The following ZBBX variants were observed in gnomAD, a reference collection of about 807,000 sequenced individuals.
ZBBX encodes zinc finger B-box domain-containing protein 1.
ZBBX carries 101 observed loss-of-function variants against 108.5 expected under a neutral mutation model. The ratio of observed to expected loss-of-function variants is 0.93; its 90% CI spans 0.79 to 1.10. The LOEUF is 1.10. Ranked by LOEUF, ZBBX falls within the 50% of genes least tolerant of loss-of-function variation. ZBBX has a pLI of 0.00. For missense variants in ZBBX, 1,009 were observed against 941.4 expected (o/e 1.07, Z -0.94); for synonymous variants, 356 against 323.4 (o/e 1.10, Z -1.08).
intron 9 of ZBBX, among the ~76,000 whole-genome samples, chr3:167,348,305 A>AAGGAAG (rs1560162839): frequency 1.6e-4 from 18 of 115,620 alleles, no homozygotes; most frequent in African/African-American, 4.9e-4. Context: ...GAAGAAAGAG[A>AAGGAAG]GAAAGAAAGA....
the ZBBX span, among the ~76,000 whole-genome samples, chr3:167,189,822 A>G: frequency 6.6e-6 from 1 of 152,198 alleles, no homozygotes. Flanking sequence ...AGTTTACATT[A>G]TGTTCACTCT....
intron 1 of ZBBX, among the ~76,000 whole-genome samples, chr3:167,388,500 CA>C (rs1747988791): frequency 6.6e-6 from 1 of 151,862 alleles, no homozygotes; most frequent in African/African-American, 2.4e-5. Context: ...AATATTAATG[CA>C]ATCTTCCAGA....
chr3:167,281,985 C>T (rs1293068796), intron 20 of ZBBX, among the ~76,000 whole-genome samples: 1 of 152,186 alleles, frequency 6.6e-6, no homozygotes, highest in African/African-American at 2.4e-5. Flanking sequence ...TGAAATTATT[C>T]ATTCCACAAT....
the ZBBX span, among the ~76,000 whole-genome samples, chr3:167,204,253 T>A: frequency 4.0e-5 from 6 of 149,650 alleles, no homozygotes; most frequent in African/African-American, 7.3e-5. Flanking sequence ...CTTTTTTTTT[T>A]ATTATACTCT....
intron 17 of ZBBX, among the ~76,000 whole-genome samples, chr3:167,299,475 G>A (rs1732261579): frequency 2.0e-5 from 3 of 151,898 alleles, no homozygotes; most frequent in South Asian, 4.1e-4. Context: ...TTATGCAATC[G>A]CAAATCTGGA....
At chr3:167,227,447 T>G in the ZBBX span, among the ~76,000 whole-genome samples, 1 of 151,722 alleles carries the variant, frequency 6.6e-6, no homozygotes, top group Non-Finnish European at 1.5e-5. Context: ...ACTCTACTGG[T>G]AGGCTGATTC....
intron 20 of ZBBX, among the ~76,000 whole-genome samples, chr3:167,259,581 C>G (rs1318762032): frequency 6.6e-6 from 1 of 152,008 alleles, no homozygotes; most frequent in East Asian, 1.9e-4. Flanking sequence ...TCAGTTTGTG[C>G]TCTTTCAGTC....
intron 17 of ZBBX, among the ~76,000 whole-genome samples, chr3:167,305,399 G>C (rs1199240890): frequency 6.6e-6 from 1 of 152,014 alleles, no homozygotes; most frequent in Non-Finnish European, 1.5e-5. Context: ...CATAAGGTGG[G>C]CCTTAAAGTA....
the ZBBX span, among the ~76,000 whole-genome samples, chr3:167,206,460 T>G: frequency 1.3e-5 from 2 of 151,992 alleles, no homozygotes; most frequent in African/African-American, 4.8e-5. Context: ...TGAACAGATA[T>G]CTCTACAAAA....
At chr3:167,196,557 C>A in the ZBBX span, among the ~76,000 whole-genome samples, 1 of 152,090 alleles carries the variant, frequency 6.6e-6, no homozygotes, top group South Asian at 2.1e-4. Flanking sequence ...TAAGTAAATA[C>A]ATAACTTAAG....
At chr3:167,206,959 C>T in the ZBBX span, among the ~76,000 whole-genome samples, 309 of 152,208 alleles carry the variant, frequency 2.0e-3, 1 homozygote, top group Non-Finnish European at 3.7e-3. Context: ...TGGATCCATC[C>T]TATACCACAT....
rs1748091023 is a variant in ZBBX at position 167,391,811 on chromosome 3, A to T, written c.-445-11406T>A. ...AATGACTTTGACAAATATATGCTGT[A>T]TGTCTGTGTAACTACTACTAGAATG... On this transcript the variant is annotated intron_variant, in intron 1 of 21. Coordinates refer to the ZBBX transcript ENST00000455345. Among the ~76,000 whole-genome samples, 5 of 151,982 alleles carry T rather than the reference A, an allele frequency of 3.3e-5. No homozygotes were observed. The South Asian group carries it at 1.0e-3, about 32-fold the overall frequency.
intron 18 of ZBBX, 83 bp from the exon 19 acceptor site, chr3:167,289,066 G>T: frequency 1.5e-5 from 12 of 807,250 alleles, no homozygotes; most frequent in Non-Finnish European, 3.7e-6. Context: ...TGTCTTACTG[G>T]ACAATATTTA....
At chr3:167,183,973 C>A in the ZBBX span, among the ~76,000 whole-genome samples, 52 of 152,230 alleles carry the variant, frequency 3.4e-4, 1 homozygote, top group African/African-American at 1.2e-3. Flanking sequence ...ACAGTAAAGA[C>A]AATTCTGTGT....
chr3:167,180,111 A>G, the ZBBX span, among the ~76,000 whole-genome samples: 1 of 152,206 alleles, frequency 6.6e-6, no homozygotes, highest in Non-Finnish European at 1.5e-5. Context: ...CTCGAACAAC[A>G]ACACCAGTAG....
At chr3:167,216,169 A>G in the ZBBX span, among the ~76,000 whole-genome samples, 2,038 of 152,264 alleles carry the variant, frequency 0.013, 22 homozygotes, top group South Asian at 0.026. Flanking sequence ...AAACAAAAAC[A>G]GAGGAAGTCA....
At chr3:167,300,381 C>T (rs936682435) in intron 17 of ZBBX, among the ~76,000 whole-genome samples, 7 of 152,018 alleles carry the variant, frequency 4.6e-5, no homozygotes, top group Non-Finnish European at 8.8e-5. Flanking sequence ...ACCATGTAAG[C>T]CATTTTACAA....
Position 167,332,213 on chromosome 3 carries a change from T to G in ZBBX, c.687+1614A>C, listed in dbSNP as rs181865764. The stretch of plus-strand genomic sequence containing the variant: ...GCGGTTATCTCTTCATTGTGTACTC[T>G]GTCGTATATAGCAGTGACTCCCAAC... On this transcript the variant is annotated intron_variant, in intron 10 of 21. Transcript: ENST00000675490. Among the ~76,000 whole-genome samples the G allele has an allele frequency of 3.3e-5, 5 of 152,194 alleles. No homozygotes were observed. In the East Asian group the frequency reaches 7.7e-4, roughly 23 times the overall value.
At chr3:167,317,978 G>A (rs1293480215) in intron 12 of ZBBX, among the ~76,000 whole-genome samples, 1 of 151,964 alleles carries the variant, frequency 6.6e-6, no homozygotes, top group Non-Finnish European at 1.5e-5. Flanking sequence ...TTGTGTTGAT[G>A]AGTTCTACGG....
Sources: gnomAD v4.1 joint callset for allele counts (sites outside exome capture counted in the v4.1 genomes callset) on GRCh38, gnomAD v4.1.1 for gene constraint, MANE v1.5 for transcripts, NCBI Gene and HGNC (gene_info 2026-07-23, HGNC 2026-07-21) for gene names.